Variants in CYTH1 observed in about 807,000 individuals in gnomAD.
The protein encoded by CYTH1 is cytohesin-1.
A neutral mutation model predicts 61.8 loss-of-function variants in CYTH1; 18 were observed. The ratio of observed to expected loss-of-function variants is 0.29; its 90% CI spans 0.20 to 0.43. CYTH1 has a LOEUF of 0.43. Among genes scored for constraint, CYTH1 ranks in the 20% least tolerant of loss-of-function variants. CYTH1 has a pLI of 1.00. For synonymous variants in CYTH1, 174 were observed against 184.3 expected (o/e 0.94, Z 0.45); for missense variants, 336 against 510.5 (o/e 0.66, Z 3.29).
chr17:78,675,849 G>A lies in CYTH1; in HGVS notation c.*242C>T, dbSNP rs1363232688. The A allele has an allele frequency of 6.9e-7, 1 of 1,454,904 alleles. No individual in the cohort carries two copies. The highest frequency in any genetic ancestry group is 9.1e-7 in the Non-Finnish European group (1 of 1,102,232). 90.1% of individuals were successfully genotyped at this position (1,454,904 alleles called of 1,614,324 possible). A position where few individuals can be genotyped will look rare whatever the true frequency, so the allele number is the denominator to read the frequency against. On this transcript the variant is annotated 3_prime_UTR_variant, in exon 14 of 14. Transcript: ENST00000446868. Reference sequence around the variant, plus strand: ...AGGCTGCCCTGCCGACAAGAGCTCTGCCCTGTGAGAGAGGAAGGCTCTGGA... The same window carrying A: ...AGGCTGCCCTGCCGACAAGAGCTCTACCCTGTGAGAGAGGAAGGCTCTGGA...
intron 12 of CYTH1, 93 bp from the exon 13 acceptor site, chr17:78,680,437 G>A (rs2092748170): frequency 7.4e-7 from 1 of 1,358,168 alleles, no homozygotes; most frequent in East Asian, 2.4e-5. Flanking sequence ...CCTTTCTTCT[G>A]ACCTTCACAA....
chr17:78,760,536 CAT>C lies in CYTH1; in HGVS notation c.22+21664_22+21665del, dbSNP rs1255225425. On this transcript the variant is annotated intron_variant, in intron 1 of 13. Transcript: ENST00000446868. Reference sequence around the variant, plus strand: ...ATATATGTATATATATATATACATACATATATATGTATATATATATGTATATA... The same window carrying C: ...ATATATGTATATATATATATACATACATATATGTATATATATATGTATATA... 3.6e-4 allele frequency among the ~76,000 whole-genome samples: 15 copies of C among 42,194 alleles called. 3 individuals are homozygous for C. The highest frequency in any genetic ancestry group is 1.1e-3 in the African/African-American group (11 of 9,876). 27.7% of individuals were successfully genotyped at this position (42,194 alleles called of 152,430 possible).
intron 1 of CYTH1, among the ~76,000 whole-genome samples, chr17:78,733,068 C>A (rs1248262669): frequency 1.0e-5 from 1 of 96,688 alleles, no homozygotes; most frequent in Non-Finnish European, 1.8e-5. Flanking sequence ...CAGAGTGAGA[C>A]TCCATCTCAA....
intron 1 of CYTH1, among the ~76,000 whole-genome samples, chr17:78,720,720 CA>C (rs1449676776): frequency 6.6e-6 from 1 of 152,104 alleles, no homozygotes. Context: ...ACAAAAAATA[CA>C]AAAGTTAGCC....
intron 1 of CYTH1, among the ~76,000 whole-genome samples, chr17:78,711,126 G>C (rs556708352): frequency 2.1e-4 from 32 of 152,014 alleles, no homozygotes; most frequent in African/African-American, 7.2e-4. Flanking sequence ...GCTGGGCGTG[G>C]TGGCAGGTGC....
intron 1 of CYTH1, among the ~76,000 whole-genome samples, chr17:78,753,836 G>A (rs1427160265): frequency 1.3e-5 from 2 of 152,162 alleles, no homozygotes; most frequent in Admixed American, 6.5e-5. Flanking sequence ...TCCAAAGTAT[G>A]TTGTCTAGTC....
intron 1 of CYTH1, among the ~76,000 whole-genome samples, chr17:78,743,943 G>C (rs2144647741): frequency 6.6e-6 from 1 of 152,274 alleles, no homozygotes; most frequent in South Asian, 2.1e-4. Flanking sequence ...GGGCTCGGTA[G>C]CTTATTTTTG....
intron 1 of CYTH1, among the ~76,000 whole-genome samples, chr17:78,752,964 C>G (rs1304709090): frequency 6.6e-6 from 1 of 152,154 alleles, no homozygotes; most frequent in Non-Finnish European, 1.5e-5. Flanking sequence ...ACAGGACACA[C>G]AAGAACACAT....
chr17:78,782,057 G>T, intron 1 of CYTH1, 145 bp downstream of exon 1: 1 of 682,720 alleles, frequency 1.5e-6, no homozygotes, highest in Non-Finnish European at 1.9e-6. Context: ...CCCGCGCACC[G>T]CTCGCCCGCC....
chr17:78,676,248 G>A, intron 13 of CYTH1, 79 bp from the exon 14 acceptor site: 1 of 1,456,490 alleles, frequency 6.9e-7, no homozygotes, highest in Admixed American at 2.0e-5. Context: ...GGATTCTCAG[G>A]GGCCCCTCGT....
At chr17:78,718,960 C>T (rs559702870) in intron 1 of CYTH1, among the ~76,000 whole-genome samples, 1 of 152,354 alleles carries the variant, frequency 6.6e-6, no homozygotes, top group Non-Finnish European at 1.5e-5. Context: ...AGGTGGAAGG[C>T]AGCGGGGGTA....
At chr17:78,734,581 G>A (rs1274397260) in intron 1 of CYTH1, among the ~76,000 whole-genome samples, 6 of 151,092 alleles carry the variant, frequency 4.0e-5, no homozygotes, top group African/African-American at 1.2e-4. Context: ...CTGGGATTAC[G>A]GGCTCCTGCC....
intron 1 of CYTH1, among the ~76,000 whole-genome samples, chr17:78,757,468 A>G (rs1296690311): frequency 2.0e-5 from 3 of 152,136 alleles, no homozygotes; most frequent in Non-Finnish European, 2.9e-5. Flanking sequence ...TAGGTGTTCA[A>G]TAAGTATCTG....
intron 1 of CYTH1, among the ~76,000 whole-genome samples, chr17:78,771,959 T>A (rs2093473156): frequency 6.6e-6 from 1 of 152,176 alleles, no homozygotes; most frequent in East Asian, 1.9e-4. Context: ...CTGAAGTTAA[T>A]GCAAACAGAG....
At chr17:78,728,141 G>A (rs548958598) in intron 1 of CYTH1, among the ~76,000 whole-genome samples, 1 of 152,296 alleles carries the variant, frequency 6.6e-6, no homozygotes, top group South Asian at 2.1e-4. Context: ...CTGCAGCAGG[G>A]CCAGCCTCTC....
intron 1 of CYTH1, among the ~76,000 whole-genome samples, chr17:78,773,514 C>CA (rs199747177): frequency 0.06 from 9,075 of 151,586 alleles, 510 homozygotes; most frequent in South Asian, 0.15. Flanking sequence ...CCTGTAATTC[C>CA]GCTACTCAGG....
chr17:78,712,201 G>C (rs1238962962), intron 1 of CYTH1, among the ~76,000 whole-genome samples: 1 of 151,238 alleles, frequency 6.6e-6, no homozygotes, highest in Non-Finnish European at 1.5e-5. Context: ...GAGAAAGAGA[G>C]AGAGAAAGAG....
At position 78,702,581 on chromosome 17, in the gene CYTH1, T is replaced by C. The variant is rs752529445; in HGVS notation, c.194A>G (p.Gln65Arg). 1 of 1,614,208 alleles carries C rather than the reference T, an allele frequency of 6.2e-7. No individual in the cohort carries two copies. Among genetic ancestry groups the C allele is most frequent in the Non-Finnish European group, 8.5e-7 (1 of 1,180,030 alleles). ...EERKNMQRNKQVAMGRKKFNM... is the reference protein window; with the variant it reads ...EERKNMQRNKRVAMGRKKFNM... ...AAATTTTTTCCTGCCCATGGCTACC[T>C]GTTTGTTCCTCTGCATGTTTTTCCT... The change falls in exon 4 of 14, where the codon CAG (glutamine) becomes CGG (arginine). Residue 65 changes from glutamine to arginine, a missense_variant. Around this residue, in one of 4 missense-constraint regions of CYTH1, gnomAD observed 112 missense variants for 127.1 expected, o/e 0.88. Coordinates refer to ENST00000446868, the MANE Select transcript of CYTH1 (RefSeq NM_004762.6).
chr17:78,693,665 G>A (rs1439372051), intron 10 of CYTH1, among the ~76,000 whole-genome samples: 1 of 151,912 alleles, frequency 6.6e-6, no homozygotes, highest in Non-Finnish European at 1.5e-5. Context: ...TTGGGGTTGG[G>A]GCCGTGAAGT....
Sources: allele counts gnomAD v4.1 joint callset (sites outside exome capture counted in the v4.1 genomes callset), GRCh38; gene constraint gnomAD v4.1.1; regional missense constraint gnomAD v4.1.1; transcripts MANE v1.5; gene names NCBI Gene and HGNC (gene_info 2026-07-23, HGNC 2026-07-21).